Variants in CDH4 observed in about 807,000 individuals in gnomAD.
CDH4 encodes the protein cadherin-4.
A neutral mutation model predicts 86.0 loss-of-function variants in CDH4; 33 were observed. That is an observed-to-expected ratio of 0.38 (90% confidence interval 0.29 to 0.51). The LOEUF (loss-of-function observed/expected upper bound fraction) is 0.51, where lower values mean the gene tolerates loss of function less well. CDH4 is among the 20% of genes least tolerant of loss of function. The probability of loss-of-function intolerance (pLI) is 0.86; values close to 1 mark genes in which losing one functional copy is unlikely to be tolerated. For synonymous variants in CDH4, 555 were observed against 549.4 expected, an observed-to-expected ratio of 1.01 and a Z score of -0.14; for missense variants, 1,114 against 1,307.4, an observed-to-expected ratio of 0.85 and a Z score of 2.28.
At chr20:61,273,283 T>G in intron 2 of CDH4, among the ~76,000 whole-genome samples, 4 of 112,650 alleles carry the variant, frequency 3.6e-5, no homozygotes, top group Admixed American at 9.9e-5. Context: ...TTTGGGGGAG[T>G]ATTGGGGAAG....
chr20:61,606,916 G>C (rs2086650144), intron 2 of CDH4, among the ~76,000 whole-genome samples: 2 of 152,242 alleles, frequency 1.3e-5, no homozygotes, highest in Admixed American at 6.5e-5. Context: ...GTGAGCCCAG[G>C]GTGGCCAGAA....
Position 61,937,024 on chromosome 20 carries a change from C to A in CDH4, c.*81C>A. 1 of 1,247,640 alleles carries A rather than the reference C, an allele frequency of 8.0e-7. No homozygotes were observed. Among genetic ancestry groups the A allele is most frequent in the Non-Finnish European group, 1.1e-6 (1 of 911,054 alleles). The allele number at this position is 1,247,640 out of a possible 1,614,324, so 77.3% of individuals were successfully genotyped here. A position where few individuals can be genotyped will look rare whatever the true frequency, so the allele number is the denominator to read the frequency against. On this transcript the variant is annotated 3_prime_UTR_variant, in exon 16 of 16. Coordinates refer to ENST00000614565, the MANE Select transcript of CDH4 (RefSeq NM_001794.5). ...GGACTGAGCAGAGGCGGCCGGTCTT[C>A]CCGACTCCCTGCGGCTGTGTCCTTA...
intron 3 of CDH4, among the ~76,000 whole-genome samples, chr20:61,757,126 C>A (rs557065185): frequency 2.4e-3 from 361 of 152,328 alleles, no homozygotes; most frequent in African/African-American, 8.3e-3. Flanking sequence ...AGTTCAGACA[C>A]CGTCACCAGC....
rs1214491099 is a variant in CDH4, at chr20:61,810,199, A to G, written c.577-34469A>G. On this transcript the variant is annotated intron_variant, in intron 4 of 15. Transcript: ENST00000614565. The surrounding 1 kb of genome is among the most constrained non-coding windows in gnomAD (Gnocchi z 4.3). ...AGAGATGGGTGAGGGAGGCCGGGCC[A>G]GCCACACTAACATCCCACTGGCAGA... Among the ~76,000 whole-genome samples, 1 of 152,186 alleles carries G rather than the reference A, an allele frequency of 6.6e-6. No individual in the cohort carries two copies. The highest frequency in any genetic ancestry group is 1.5e-5 in the Non-Finnish European group (1 of 68,026).
At position 61,809,704 on chromosome 20, in the gene CDH4, G is replaced by A. The variant is rs182450874; in HGVS notation, c.577-34964G>A. 2.8e-3 allele frequency among the ~76,000 whole-genome samples: 428 copies of A among 152,316 alleles called. 2 individuals carry two copies. The highest frequency in any genetic ancestry group is 0.014 in the Middle Eastern group (4 of 294). On this transcript the variant is annotated intron_variant, in intron 4 of 15. Coordinates refer to ENST00000614565, the MANE Select transcript of CDH4 (RefSeq NM_001794.5). ...GAGTTTTAATGCCAGGAGGGGTTCC[G>A]GTAGAAAGCAGCTATTTTCTAACCA...
intron 2 of CDH4, among the ~76,000 whole-genome samples, chr20:61,611,293 A>C (rs1232687411): frequency 6.6e-6 from 1 of 152,102 alleles, no homozygotes; most frequent in Non-Finnish European, 1.5e-5. Flanking sequence ...CCATCTGAGA[A>C]TATACAGGGG....
chr20:61,688,937 A>C (rs1035867376), intron 2 of CDH4, among the ~76,000 whole-genome samples: 4 of 152,254 alleles, frequency 2.6e-5, no homozygotes, highest in Non-Finnish European at 5.9e-5. Context: ...CTTTGTAGAA[A>C]GTGAAAAACA....
At chr20:61,570,727 C>A (rs2086335651) in intron 2 of CDH4, 1 of 702,224 alleles carries the variant, frequency 1.4e-6, no homozygotes, top group Admixed American at 2.0e-5. Context: ...TTCACGGAGG[C>A]AGGGAAAATG....
At chr20:61,625,377 A>G (rs1442744463) in intron 2 of CDH4, among the ~76,000 whole-genome samples, 1 of 152,092 alleles carries the variant, frequency 6.6e-6, no homozygotes, top group East Asian at 1.9e-4. Flanking sequence ...AATCTCTGAC[A>G]TTTGCTGAAC....
At chr20:61,686,894 C>T (rs1260107307) in intron 2 of CDH4, among the ~76,000 whole-genome samples, 7 of 152,162 alleles carry the variant, frequency 4.6e-5, no homozygotes, top group Non-Finnish European at 1.0e-4. Flanking sequence ...AACTTGCTAT[C>T]AGATCCTCTC....
At chr20:61,281,868 G>A (rs2084260862) in intron 2 of CDH4, among the ~76,000 whole-genome samples, 1 of 152,208 alleles carries the variant, frequency 6.6e-6, no homozygotes, top group African/African-American at 2.4e-5. Context: ...AAACACACTG[G>A]CTCTGCAGAG....
Position 61,393,211 on chromosome 20 carries a change from C to T in CDH4, c.169+138274C>T, listed in dbSNP as rs1265707726. Among the ~76,000 whole-genome samples, 11 of 152,088 alleles carry T rather than the reference C, an allele frequency of 7.2e-5. No homozygotes were observed. Among genetic ancestry groups the T allele is most frequent in the African/African-American group, 2.2e-4 (9 of 41,418 alleles). ...GACAACACTGTTTAATCGGTCCTCGCGGGAGCTTCCCTGGGGGTGCAGGAC... is the reference window on the plus strand; with the variant it reads ...GACAACACTGTTTAATCGGTCCTCGTGGGAGCTTCCCTGGGGGTGCAGGAC... On this transcript the variant is annotated intron_variant, in intron 2 of 15. Transcript: ENST00000614565. The surrounding 1 kb of genome is among the most constrained non-coding windows in gnomAD (Gnocchi z 4.3).
chr20:61,874,879 G>C (rs1358361689), intron 7 of CDH4, among the ~76,000 whole-genome samples: 2 of 152,230 alleles, frequency 1.3e-5, no homozygotes, highest in Non-Finnish European at 2.9e-5. Context: ...CCCGCGGGAG[G>C]CTTGTTTCCA....
At chr20:61,914,726 G>C (rs1448605746) in intron 9 of CDH4, among the ~76,000 whole-genome samples, 3 of 152,168 alleles carry the variant, frequency 2.0e-5, no homozygotes, top group African/African-American at 7.2e-5. Flanking sequence ...CCACAGGCGG[G>C]CTGGCACCCA....
rs748162319 is a variant in CDH4, at chr20:61,933,134, C to T, written c.2379+10C>T. 2.7e-5 allele frequency: 44 copies of T among 1,609,720 alleles called. No homozygotes were observed. The highest frequency in any genetic ancestry group is 4.0e-5 in the African/African-American group (3 of 74,912). ...TGGCGAGGAGGACCAGGTGAGACTG[C>T]GGCCCGCCCCCGCCTCCCCACGCGA... is the stretch of plus-strand genomic sequence containing the variant. On this transcript the variant is annotated intron_variant, in intron 14 of 15. Transcript: ENST00000614565.
chr20:61,915,347 GGGCATCCT>G (rs1568885207), intron 9 of CDH4, among the ~76,000 whole-genome samples: 3 of 152,254 alleles, frequency 2.0e-5, no homozygotes, highest in African/African-American at 4.8e-5. Context: ...TCCTCTTCCA[GGGCATCCT>G]GGCAAGGCCA....
intron 2 of CDH4, among the ~76,000 whole-genome samples, chr20:61,304,544 G>A (rs189107188): frequency 1.3e-5 from 2 of 152,114 alleles, no homozygotes; most frequent in East Asian, 3.9e-4. Flanking sequence ...TGCATATGCT[G>A]TGTGTTTTGT....
At chr20:61,556,263 T>A (rs2086176780) in intron 2 of CDH4, among the ~76,000 whole-genome samples, 1 of 149,570 alleles carries the variant, frequency 6.7e-6, no homozygotes, top group South Asian at 2.1e-4. Flanking sequence ...TTTGTCCTCT[T>A]GTGAATTCCC....
At chr20:61,379,683 C>A (rs531771650) in intron 2 of CDH4, among the ~76,000 whole-genome samples, 1 of 152,070 alleles carries the variant, frequency 6.6e-6, no homozygotes, top group Non-Finnish European at 1.5e-5. Flanking sequence ...TGCACTGATT[C>A]GACAAAGAAT....
Sources: gnomAD v4.1 joint callset for allele counts (sites outside exome capture counted in the v4.1 genomes callset) on GRCh38, gnomAD v4.1.1 for gene constraint, Gnocchi (gnomAD v3.1) non-coding constraint, MANE v1.5 for transcripts, NCBI Gene and HGNC (gene_info 2026-07-23, HGNC 2026-07-21) for gene names.